The following STUM variants were observed in gnomAD, a reference collection of about 807,000 sequenced individuals.
STUM encodes the protein protein stum homolog.
Under a neutral mutation model 15.3 loss-of-function variants are expected in STUM, and 8 were observed. The ratio of observed to expected loss-of-function variants is 0.52; its 90% CI spans 0.31 to 0.94. STUM has a LOEUF of 0.94. Among genes scored for constraint, STUM ranks in the 40% least tolerant of loss-of-function variants. The pLI is 0.05. For missense variants in STUM, 142 were observed against 204.9 expected, an observed-to-expected ratio of 0.69 and a Z score of 1.87; for synonymous variants, 78 against 88.7, an observed-to-expected ratio of 0.88 and a Z score of 0.68.
At chr1:226,561,603 C>A (rs1477640060) in intron 1 of STUM, among the ~76,000 whole-genome samples, 2 of 152,148 alleles carry the variant, frequency 1.3e-5, no homozygotes, top group African/African-American at 4.8e-5. Context: ...AGCGGGGCCA[C>A]CAACTCTAAT....
chr1:226,597,139 C>T (rs924345314), intron 2 of STUM, among the ~76,000 whole-genome samples, 158 bp downstream of exon 2: 17 of 152,338 alleles, frequency 1.1e-4, no homozygotes, highest in African/African-American at 4.1e-4. Context: ...CCCTGGGCTG[C>T]TTGGCACTGG....
intron 1 of STUM, among the ~76,000 whole-genome samples, chr1:226,570,716 A>G (rs1667693133): frequency 6.6e-6 from 1 of 152,100 alleles, no homozygotes; most frequent in South Asian, 2.1e-4. Flanking sequence ...TATCCTTCAT[A>G]TGTGAAGGGT....
chr1:226,574,586 G>A (rs543018732), intron 1 of STUM, among the ~76,000 whole-genome samples: 103 of 152,318 alleles, frequency 6.8e-4, no homozygotes, highest in African/African-American at 2.4e-3. Flanking sequence ...GGAATTGGGG[G>A]CCAAGGTCAG....
chr1:226,568,744 C>T (rs1667660520), intron 1 of STUM, among the ~76,000 whole-genome samples: 1 of 152,224 alleles, frequency 6.6e-6, no homozygotes, highest in Admixed American at 6.5e-5. Flanking sequence ...TGAAAGGAGG[C>T]CCAAGGCATG....
At chr1:226,562,240 G>A (rs892225747) in intron 1 of STUM, among the ~76,000 whole-genome samples, 1 of 152,072 alleles carries the variant, frequency 6.6e-6, no homozygotes, top group African/African-American at 2.4e-5. Flanking sequence ...AGGCCGAGGT[G>A]GGTGGATCAC....
At chr1:226,558,786 G>T (rs1379958005) in intron 1 of STUM, among the ~76,000 whole-genome samples, 1 of 152,172 alleles carries the variant, frequency 6.6e-6, no homozygotes, top group Non-Finnish European at 1.5e-5. Flanking sequence ...CTAGGTCTGG[G>T]TTTGAAAATC....
chr1:226,567,252 G>T lies in STUM; in HGVS notation c.202+18146G>T, dbSNP rs372315014. On this transcript the variant is annotated intron_variant, in intron 1 of 3. Transcript: ENST00000366788. The surrounding 1 kb of genome is among the most constrained non-coding windows in gnomAD (Gnocchi z 4.5). ...TTCAAAAAGCCTTTGAAGACTGTCC[G>T]TCCTGGAGCTATCCAACGGGTGGTG... Among the ~76,000 whole-genome samples, 1 of 152,186 alleles carries T rather than the reference G, an allele frequency of 6.6e-6. No individual in the cohort carries two copies. Among genetic ancestry groups the T allele is most frequent in the Non-Finnish European group, 1.5e-5 (1 of 68,038 alleles).
At chr1:226,577,570 T>C (rs1667838805) in intron 1 of STUM, among the ~76,000 whole-genome samples, 1 of 152,036 alleles carries the variant, frequency 6.6e-6, no homozygotes, top group Non-Finnish European at 1.5e-5. Context: ...CGCCAGGGAC[T>C]GATGATGATG....
At chr1:226,571,628 C>CCTT (rs1224269905) in intron 1 of STUM, among the ~76,000 whole-genome samples, 5 of 151,722 alleles carry the variant, frequency 3.3e-5, no homozygotes, top group African/African-American at 9.7e-5. Context: ...GAACCTTCTC[C>CCTT]CTTCTTCTTC....
rs934827116 is a variant in STUM, at chr1:226,608,695, C to T, written c.*6655C>T. ...GGAGCCCACCCCACCCCAGTCCAGC[C>T]ATGAGGGTATTTCCAGCCTATTCCA... On this transcript the variant is annotated 3_prime_UTR_variant, in exon 4 of 4. Transcript: ENST00000366788. This position sits in a 1 kb window ranked among gnomAD's most constrained non-coding sequence, Gnocchi z 4.0. 6.6e-6 allele frequency: 1 copy of T among 152,258 alleles called. No homozygotes were observed. The highest frequency in any genetic ancestry group is 1.5e-5 in the Non-Finnish European group (1 of 68,096). 9.4% of individuals were successfully genotyped at this position (152,258 alleles called of 1,614,324 possible). A position where few individuals can be genotyped will look rare whatever the true frequency, so the allele number is the denominator to read the frequency against.
chr1:226,589,740 C>A (rs80082525), intron 1 of STUM, among the ~76,000 whole-genome samples: 1 of 72,086 alleles, frequency 1.4e-5, no homozygotes, highest in Non-Finnish European at 3.0e-5. Flanking sequence ...ATGCGCAGGG[C>A]CAGCCTCAGC....
rs993357000 is a variant in STUM, at chr1:226,600,127, G to A, written c.383-539G>A. Among the ~76,000 whole-genome samples the A allele has an allele frequency of 1.4e-4, 21 of 152,050 alleles. No homozygotes were observed. The highest frequency in any genetic ancestry group is 4.8e-4 in the African/African-American group (20 of 41,378). On this transcript the variant is annotated intron_variant, in intron 2 of 3. Coordinates refer to ENST00000366788, the MANE Select transcript of STUM (RefSeq NM_001003665.4). This position sits in a 1 kb window ranked among gnomAD's most constrained non-coding sequence, Gnocchi z 5.2. ...CCATCTGGAATTTATCTGGAGGAAG[G>A]CATGAGCTGAGGATGAAAAAAAAAA... is the stretch of plus-strand genomic sequence containing the variant.
intron 1 of STUM, among the ~76,000 whole-genome samples, chr1:226,557,602 T>C (rs1483259944): frequency 6.6e-6 from 1 of 152,234 alleles, no homozygotes; most frequent in Non-Finnish European, 1.5e-5. Context: ...ACCAACAGTG[T>C]ACAAGGGTTC....
At position 226,581,906 on chromosome 1, in the gene STUM, G is replaced by A. The variant is rs548731045; in HGVS notation, c.203-14896G>A. 2.6e-5 allele frequency among the ~76,000 whole-genome samples: 4 copies of A among 152,352 alleles called. No homozygotes were observed. In the East Asian group the frequency reaches 5.8e-4, roughly 22 times the overall value. On this transcript the variant is annotated intron_variant, in intron 1 of 3. Transcript: ENST00000366788. ...ATCCTGCACCCATCCACTGTGGAGT[G>A]TTGTAAGTCCTCTCTGCAGCTGCTG...
At chr1:226,585,518 G>C (rs544006643) in intron 1 of STUM, among the ~76,000 whole-genome samples, 1 of 152,220 alleles carries the variant, frequency 6.6e-6, no homozygotes, top group Non-Finnish European at 1.5e-5. Context: ...GTCTAGAGAA[G>C]TGCCATCATT....
Position 226,560,571 on chromosome 1 carries a change from T to G in STUM, c.202+11465T>G, listed in dbSNP as rs1667523481. ...ATAGCACAGAGACAGTGGCACAGGT[T>G]GAAATGTGGGGCATGTGTGTGATGG... On this transcript the variant is annotated intron_variant, in intron 1 of 3. Transcript: ENST00000366788. Among the ~76,000 whole-genome samples the G allele has an allele frequency of 2.0e-5, 3 of 152,310 alleles. No homozygotes were observed. The South Asian group carries it at 6.2e-4, about 32-fold the overall frequency.
intron 1 of STUM, among the ~76,000 whole-genome samples, chr1:226,562,477 A>G (rs1264439781): frequency 6.6e-6 from 1 of 151,604 alleles, no homozygotes; most frequent in Non-Finnish European, 1.5e-5. Context: ...TCCTTCTGAA[A>G]AAAAAAAAAA....
Position 226,585,171 on chromosome 1 carries a change from T to C in STUM, c.203-11631T>C, listed in dbSNP as rs1667977254. ...ATGGTGAACTTAACAATGATAATAA[T>C]TTTTTTAAAAGGTGGAGTGAAGAAT... On this transcript the variant is annotated intron_variant, in intron 1 of 3. Transcript: ENST00000366788. 2.0e-5 allele frequency among the ~76,000 whole-genome samples: 3 copies of C among 152,166 alleles called. 1 individual carries two copies. The highest frequency in any genetic ancestry group is 1.3e-4 in the Admixed American group (2 of 15,278).
chr1:226,599,586 T>C lies in STUM; in HGVS notation c.383-1080T>C, dbSNP rs372152528. On this transcript the variant is annotated intron_variant, in intron 2 of 3. Transcript: ENST00000366788. ...GTACACTTTGGCTTTTCGCATGGCA[T>C]TGCCTGGGGTGTCATCAGCAAACAC... Among the ~76,000 whole-genome samples the C allele has an allele frequency of 2.3e-3, 347 of 152,346 alleles. 4 individuals carry two copies. The highest frequency in any genetic ancestry group is 7.9e-3 in the African/African-American group (330 of 41,576).
Sources: gnomAD v4.1 joint callset for allele counts (sites outside exome capture counted in the v4.1 genomes callset) on GRCh38, gnomAD v4.1.1 for gene constraint, Gnocchi (gnomAD v3.1) non-coding constraint, MANE v1.5 for transcripts, NCBI Gene and HGNC (gene_info 2026-07-23, HGNC 2026-07-21) for gene names.